The following BCL11A variants were observed in gnomAD, a reference collection of about 807,000 sequenced individuals.
BCL11A encodes the protein BCL11 transcription factor A.
In BCL11A, 2 loss-of-function variants were observed where a neutral mutation model predicts 55.9. The observed-to-expected ratio is 0.04, with a 90% CI of 0.01 to 0.11. The LOEUF (loss-of-function observed/expected upper bound fraction) is 0.11, where lower values mean the gene tolerates loss of function less well. Ranked by LOEUF, BCL11A falls within the 10% of genes least tolerant of loss-of-function variation. The pLI, the probability that BCL11A is intolerant of heterozygous loss-of-function variation, is 1.00. For synonymous variants in BCL11A, 465 were observed against 473.4 expected (o/e 0.98, Z 0.23); for missense variants, 817 against 1,137.1 (o/e 0.72, Z 4.05).
rs375505588 is a variant in BCL11A, at chr2:60,461,310, C to A, written c.1602G>T (p.Val534=). 9.4e-6 allele frequency: 15 copies of A among 1,600,580 alleles called. No individual in the cohort carries two copies. The highest frequency in any genetic ancestry group is 1.3e-5 in the Non-Finnish European group (15 of 1,178,104). The change falls in exon 4 of 4, where the codon GTG becomes GTT. Residue 534 remains valine, a synonymous_variant. Transcript: ENST00000642384. ...HHENSSRGAV[V]GVGDESRALP... is the part of the protein sequence containing the mutation. ...GGGCGCGGCTCTCGTCGCCCACGCCCACGACCGCGCCCCGCGAGCTGTTCT... is the reference window on the plus strand; with the variant it reads ...GGGCGCGGCTCTCGTCGCCCACGCCAACGACCGCGCCCCGCGAGCTGTTCT...
Position 60,458,509 on chromosome 2 carries a change from T to A in BCL11A, c.*1895A>T. ...TGTAGAAGCGAAAGCAATCATTCAT[T>A]TCTATGTTAAGTGTATTCTGTTTCC... On this transcript the variant is annotated 3_prime_UTR_variant, in exon 4 of 4. Transcript: ENST00000642384. 9.7e-7 allele frequency: 1 copy of A among 1,034,318 alleles called. No individual in the cohort carries two copies. 64.1% of individuals were successfully genotyped at this position (1,034,318 alleles called of 1,614,324 possible). A position where few individuals can be genotyped will look rare whatever the true frequency, so the allele number is the denominator to read the frequency against.
chr2:60,467,884 GGTGGTA>G (rs1353494396), intron 3 of BCL11A, among the ~76,000 whole-genome samples: 1 of 121,620 alleles, frequency 8.2e-6, no homozygotes, highest in African/African-American at 3.2e-5. Flanking sequence ...TGATGGTGGT[GGTGGTA>G]GTGATGGTGG....
intron 2 of BCL11A, among the ~76,000 whole-genome samples, chr2:60,482,532 G>A (rs111919989): frequency 1.8e-4 from 28 of 152,224 alleles, no homozygotes; most frequent in African/African-American, 6.8e-4. Context: ...GAAGAATAGA[G>A]GGACTGCTTA....
intron 2 of BCL11A, among the ~76,000 whole-genome samples, chr2:60,492,827 A>C (rs1342177143): frequency 6.6e-6 from 1 of 152,166 alleles, no homozygotes; most frequent in African/African-American, 2.4e-5. Context: ...TAGCTTTATT[A>C]AGGTATACTT....
At chr2:60,472,687 G>A (rs1677275439) in intron 2 of BCL11A, among the ~76,000 whole-genome samples, 1 of 152,172 alleles carries the variant, frequency 6.6e-6, no homozygotes, top group Non-Finnish European at 1.5e-5. Flanking sequence ...GGATGTTCCT[G>A]GAATTTAAGT....
At position 60,462,048 on chromosome 2, in the gene BCL11A, G is replaced by A. The variant is rs1340722843; in HGVS notation, c.864C>T (p.Ala288=). 8 of 1,604,974 alleles carry A rather than the reference G, an allele frequency of 5.0e-6. No individual in the cohort carries two copies. Among genetic ancestry groups the A allele is most frequent in the African/African-American group, 2.7e-5 (2 of 74,648 alleles). The change falls in exon 4 of 4, where the codon GCC becomes GCT. Residue 288 remains alanine, a synonymous_variant. Transcript: ENST00000642384. ...RIERLGAEEM[A]LATHHPSAFD... is the part of the protein sequence containing the mutation. The stretch of plus-strand genomic sequence containing the variant: ...AGGCACTCGGGTGATGGGTGGCCAG[G>A]GCCATCTCTTCCGCCCCCAGGCGCT...
intron 2 of BCL11A, among the ~76,000 whole-genome samples, chr2:60,539,376 A>G (rs1209002584): frequency 6.6e-6 from 1 of 152,208 alleles, no homozygotes; most frequent in African/African-American, 2.4e-5. Flanking sequence ...CCATGCCTCA[A>G]ATCCTTCCCT....
intron 2 of BCL11A, among the ~76,000 whole-genome samples, chr2:60,504,595 A>C (rs779770181): frequency 5.3e-5 from 8 of 152,204 alleles, no homozygotes; most frequent in Non-Finnish European, 1.2e-4. Context: ...GAGTCTGCTG[A>C]AACAGCCAAC....
chr2:60,481,190 A>C (rs1416818181), intron 2 of BCL11A, among the ~76,000 whole-genome samples: 2 of 152,002 alleles, frequency 1.3e-5, no homozygotes, highest in Non-Finnish European at 2.9e-5. Context: ...TCCCAGCCCC[A>C]AAACTGGGAA....
At chr2:60,498,663 A>G (rs1266968098) in intron 2 of BCL11A, among the ~76,000 whole-genome samples, 1 of 152,160 alleles carries the variant, frequency 6.6e-6, no homozygotes, top group African/African-American at 2.4e-5. Flanking sequence ...TGACCCCTCT[A>G]CCTACTCACA....
intron 2 of BCL11A, chr2:60,543,040 A>AT (rs1669996658): frequency 6.6e-6 from 1 of 151,638 alleles, no homozygotes. Flanking sequence ...AAAAAAAAAA[A>AT]AAAAAAAAAA....
Position 60,459,182 on chromosome 2 carries a change from C to T in BCL11A, c.*1222G>A. On this transcript the variant is annotated 3_prime_UTR_variant, in exon 4 of 4. Transcript: ENST00000642384. ...GTCAAACCTTATTGTCAGCCTCTTCCTTTCAATATGGTATACAAGGTCTTA... is the reference window on the plus strand; with the variant it reads ...GTCAAACCTTATTGTCAGCCTCTTCTTTTCAATATGGTATACAAGGTCTTA... The T allele has an allele frequency of 1.3e-5, 13 of 1,023,250 alleles. No homozygotes were observed. Among genetic ancestry groups the T allele is most frequent in the Non-Finnish European group, 1.5e-5 (13 of 852,226 alleles). The allele number at this position is 1,023,250 out of a possible 1,614,324, so 63.4% of individuals were successfully genotyped here. A position where few individuals can be genotyped will look rare whatever the true frequency, so the allele number is the denominator to read the frequency against.
At chr2:60,467,553 T>C (rs1474529131) in intron 3 of BCL11A, among the ~76,000 whole-genome samples, 1 of 32,406 alleles carries the variant, frequency 3.1e-5, no homozygotes, top group Middle Eastern at 0.016. Flanking sequence ...CTGGTGATGG[T>C]GGTGGTGGTA....
chr2:60,462,201 G>A lies in BCL11A; in HGVS notation c.711C>T (p.Pro237=), dbSNP rs751355296. The part of the protein sequence containing the change: ...LHGIHIADNN[P]FNLLRIPGSV... ...ATCCTGGTATTCTTAGCAGGTTAAA[G>A]GGGTTATTGTCTGCAATATGAATCC... Residue 237 remains proline, a synonymous_variant, in exon 4 of 4, where the codon CCC becomes CCT. Transcript: ENST00000642384. 6.2e-7 allele frequency: 1 copy of A among 1,608,826 alleles called. No homozygotes were observed. Among genetic ancestry groups the A allele is most frequent in the Non-Finnish European group, 8.5e-7 (1 of 1,177,514 alleles).
intron 2 of BCL11A, among the ~76,000 whole-genome samples, chr2:60,492,615 C>G: frequency 6.9e-6 from 1 of 144,620 alleles, no homozygotes; most frequent in East Asian, 2.0e-4. Context: ...AGTGGGCCTC[C>G]CTCTCTCTCT....
intron 2 of BCL11A, among the ~76,000 whole-genome samples, chr2:60,518,570 G>T (rs952803994): frequency 1.3e-5 from 2 of 152,148 alleles, no homozygotes; most frequent in African/African-American, 4.8e-5. Flanking sequence ...ACACGCAAAG[G>T]CATGGGGGGA....
intron 2 of BCL11A, chr2:60,536,999 GT>G (rs1221662627): frequency 2.0e-5 from 3 of 152,242 alleles, no homozygotes; most frequent in African/African-American, 4.8e-5. Context: ...CAATCCACTT[GT>G]ATGTAGAATA....
At chr2:60,537,531 G>C (rs538648782) in intron 2 of BCL11A, 1 of 152,314 alleles carries the variant, frequency 6.6e-6, no homozygotes, top group Admixed American at 6.5e-5. Context: ...GTTTGTTTTT[G>C]TTTGAGGAGG....
chr2:60,454,390 A>C (rs1294347901), downstream of BCL11A, among the ~76,000 whole-genome samples: 3 of 152,226 alleles, frequency 2.0e-5, no homozygotes, highest in Non-Finnish European at 4.4e-5. Flanking sequence ...TTTTCCAAGC[A>C]GGTTGAGAGA....
Sources: gnomAD v4.1 joint callset for allele counts (sites outside exome capture counted in the v4.1 genomes callset) on GRCh38, gnomAD v4.1.1 for gene constraint, MANE v1.5 for transcripts, NCBI Gene and HGNC (gene_info 2026-07-23, HGNC 2026-07-21) for gene names.